Variants in ERO1B observed in about 807,000 individuals in gnomAD.
ERO1B encodes endoplasmic reticulum oxidoreductase 1 beta.
In ERO1B, 49 loss-of-function variants were observed where a neutral mutation model predicts 75.3. That is an observed-to-expected ratio of 0.65 (90% CI 0.52 to 0.83). The LOEUF (loss-of-function observed/expected upper bound fraction) is 0.83, where lower values mean the gene tolerates loss of function less well. ERO1B is among the 40% of genes least tolerant of loss of function. ERO1B has a pLI of 0.00. For missense variants in ERO1B, 512 were observed against 560.1 expected (o/e 0.91, Z 0.87); for synonymous variants, 191 against 192.9 (o/e 0.99, Z 0.08).
intron 2 of ERO1B, among the ~76,000 whole-genome samples, chr1:236,268,718 C>T (rs1445868803): frequency 6.6e-6 from 1 of 151,712 alleles, no homozygotes; most frequent in Non-Finnish European, 1.5e-5. Context: ...AACCCCGTCT[C>T]TACTAAAAAT....
chr1:236,245,142 A>G (rs1242752258), intron 5 of ERO1B, among the ~76,000 whole-genome samples: 1 of 150,532 alleles, frequency 6.6e-6, no homozygotes, highest in Non-Finnish European at 1.5e-5. Flanking sequence ...GACATACGCC[A>G]ACACATCCAG....
intron 7 of ERO1B, 40 bp from the exon 8 acceptor site, chr1:236,235,875 A>C (rs758750637): frequency 6.5e-7 from 1 of 1,546,476 alleles, no homozygotes; most frequent in South Asian, 1.1e-5. Flanking sequence ...AGAATGTTTT[A>C]ACTTTTATAG....
In ERO1B at chr1:236,245,317, TATATACAC is replaced by T. The variant is rs1489754870; in HGVS notation, c.432-1830_432-1823del. 2.1e-3 allele frequency among the ~76,000 whole-genome samples: 44 copies of T among 20,814 alleles called. 8 individuals carry two copies. The highest frequency in any genetic ancestry group is 3.5e-3 in the African/African-American group (42 of 12,064). The allele number at this position is 20,814 out of a possible 152,430, so 13.7% of individuals were successfully genotyped here. On this transcript the variant is annotated intron_variant, in intron 5 of 15. Transcript: ENST00000354619. ...GTCAAAATATATATATATATATATA[TATATACAC>T]ACACGTATATATATACGTATATATA...
rs1308263154 is a variant in ERO1B at position 236,270,094 on chromosome 1, C to T, written c.103-100G>A. 1.3e-5 allele frequency: 11 copies of T among 846,878 alleles called. No homozygotes were observed. The East Asian group carries it at 2.2e-4, about 17-fold the overall frequency. The allele number at this position is 846,878 out of a possible 1,614,324, so 52.5% of individuals were successfully genotyped here. On this transcript the variant is annotated intron_variant, in intron 1 of 15. Transcript: ENST00000354619. ...ATGTAATTTATTCATTCAAGTTAGC[C>T]GGTACTTGCTGATTAAGATATAACA...
chr1:236,260,092 T>A (rs202117131), intron 2 of ERO1B, among the ~76,000 whole-genome samples: 2 of 139,572 alleles, frequency 1.4e-5, no homozygotes, highest in African/African-American at 2.6e-5. Flanking sequence ...AGTTTTTTTT[T>A]AAAGATAAAC....
chr1:236,266,799 T>G (rs900013746), intron 2 of ERO1B, among the ~76,000 whole-genome samples: 1 of 152,162 alleles, frequency 6.6e-6, no homozygotes, highest in African/African-American at 2.4e-5. Context: ...ATCCTAGAGT[T>G]AGAGCTGAAT....
At chr1:236,231,029 A>C (rs1664396110) in intron 9 of ERO1B, among the ~76,000 whole-genome samples, 1 of 152,224 alleles carries the variant, frequency 6.6e-6, no homozygotes, top group African/African-American at 2.4e-5. Flanking sequence ...TTTTCATAAC[A>C]ACCATAGTGC....
chr1:236,228,323 G>A (rs1664325271), intron 10 of ERO1B, among the ~76,000 whole-genome samples: 1 of 152,144 alleles, frequency 6.6e-6, no homozygotes, highest in African/African-American at 2.4e-5. Context: ...GTAACTTTAA[G>A]CAAATTAATA....
chr1:236,254,946 A>G (rs1190797871), intron 2 of ERO1B, among the ~76,000 whole-genome samples: 2 of 150,766 alleles, frequency 1.3e-5, no homozygotes, highest in African/African-American at 4.9e-5. Context: ...TTTTTGAGAC[A>G]GAGTCTTGCT....
intron 5 of ERO1B, among the ~76,000 whole-genome samples, chr1:236,245,322 ACACACACG>A (rs1156557844): frequency 0.014 from 130 of 9,092 alleles, 3 homozygotes; most frequent in East Asian, 0.053. Context: ...ATATATATAT[ACACACACG>A]TATATATATA....
chr1:236,221,978 G>C lies in ERO1B; in HGVS notation c.1155C>G (p.Ser385=). The C allele has an allele frequency of 6.2e-7, 1 of 1,613,542 alleles. No individual in the cohort carries two copies. The highest frequency in any genetic ancestry group is 2.2e-5 in the East Asian group (1 of 44,856). The stretch of plus-strand genomic sequence containing the variant: ...CACATCCAACACAGTCCATTATACG[G>C]GAGATATTCTTGAAATGTAATCGGA... The part of the protein sequence containing the change: ...EEFRLHFKNI[S]RIMDCVGCDK... The change falls in exon 14 of 16, where the codon TCC becomes TCG. Residue 385 remains serine, a synonymous_variant. Transcript: ENST00000354619.
In ERO1B at chr1:236,226,503, T is replaced by G; in HGVS notation, c.818A>C (p.Lys273Thr). The G allele has an allele frequency of 6.2e-7, 1 of 1,610,484 alleles. No homozygotes were observed. Among genetic ancestry groups the G allele is most frequent in the Non-Finnish European group, 8.5e-7 (1 of 1,179,242 alleles). ...TTTAATATTAGGTCCCCAACTGGGCTTACCCCAGGTTTCTAAAGAGAAAGA... is the reference window on the plus strand; with the variant it reads ...TTTAATATTAGGTCCCCAACTGGGCGTACCCCAGGTTTCTAAAGAGAAAGA... ...ANYLLEETWGKPSWGPNIKEF... is the reference protein window; with the variant it reads ...ANYLLEETWGTPSWGPNIKEF... Residue 273 changes from lysine (K) to threonine (T), a missense_variant, in exon 12 of 16, where the codon AAG becomes ACG. Physicochemically the swap from Lys to Thr is moderately conservative, Grantham distance 78 (BLOSUM62 -1). Transcript: ENST00000354619.
intron 13 of ERO1B, among the ~76,000 whole-genome samples, chr1:236,224,605 C>G (rs894221135): frequency 1.3e-5 from 2 of 152,166 alleles, no homozygotes; most frequent in Non-Finnish European, 2.9e-5. Context: ...AACATATTCT[C>G]CTTCTGATGT....
At chr1:236,263,556 A>G (rs1052424876) in intron 2 of ERO1B, among the ~76,000 whole-genome samples, 1 of 152,002 alleles carries the variant, frequency 6.6e-6, no homozygotes, top group African/African-American at 2.4e-5. Context: ...GCCAAAATTC[A>G]GTATTTTTAT....
At chr1:236,274,006 CAG>C (rs1665658542) in intron 1 of ERO1B, among the ~76,000 whole-genome samples, 1 of 119,820 alleles carries the variant, frequency 8.3e-6, no homozygotes, top group Non-Finnish European at 1.6e-5. Flanking sequence ...TTTTTTGAGA[CAG>C]AGTCTCACTC....
intron 2 of ERO1B, among the ~76,000 whole-genome samples, chr1:236,263,827 T>C (rs1447068121): frequency 2.1e-5 from 3 of 145,770 alleles, no homozygotes; most frequent in African/African-American, 7.7e-5. Context: ...TATCGCTATG[T>C]TGCCTAGGCT....
At chr1:236,241,020 G>T (rs1657526638) in intron 6 of ERO1B, among the ~76,000 whole-genome samples, 1 of 152,022 alleles carries the variant, frequency 6.6e-6, no homozygotes, top group Admixed American at 6.5e-5. Context: ...AGGGAAAGCA[G>T]TTTACCTTAA....
rs1664030585 is a variant in ERO1B, at chr1:236,217,761, T to C, written c.*755A>G. 6.6e-6 allele frequency: 1 copy of C among 152,044 alleles called. No homozygotes were observed. The highest frequency in any genetic ancestry group is 1.5e-5 in the Non-Finnish European group (1 of 67,970). The allele number at this position is 152,044 out of a possible 1,614,324, so 9.4% of individuals were successfully genotyped here. A position where few individuals can be genotyped will look rare whatever the true frequency, so the allele number is the denominator to read the frequency against. ...CAGAGAAAAGCAAAATCAAAAGGAG[T>C]TCTAAGTAAAAGAACACTCTTGGGC... On this transcript the variant is annotated 3_prime_UTR_variant, in exon 16 of 16. Transcript: ENST00000354619.
chr1:236,221,834 G>T, intron 14 of ERO1B, 90 bp downstream of exon 14: 1 of 969,292 alleles, frequency 1.0e-6, no homozygotes, highest in Non-Finnish European at 1.6e-6. Context: ...CTAATTCAAT[G>T]AACAATGAGG....
Sources: allele counts gnomAD v4.1 joint callset (sites outside exome capture counted in the v4.1 genomes callset), GRCh38; gene constraint gnomAD v4.1.1; transcripts MANE v1.5; gene names NCBI Gene and HGNC (gene_info 2026-07-23, HGNC 2026-07-21).